ACBD6: variants seen among roughly 807,000 people sequenced by gnomAD.
ACBD6 encodes acyl-CoA-binding domain-containing protein 6.
In ACBD6, 28 loss-of-function variants were observed where a neutral mutation model predicts 37.2. That is an observed-to-expected ratio of 0.75 (90% CI 0.56 to 1.03). The LOEUF (loss-of-function observed/expected upper bound fraction) is 1.03, where lower values mean the gene tolerates loss of function less well. Ranked by LOEUF, ACBD6 falls within the 50% of genes least tolerant of loss-of-function variation. The pLI is 0.00. For synonymous variants in ACBD6, 113 were observed against 126.8 expected, an observed-to-expected ratio of 0.89 and a Z score of 0.73; for missense variants, 340 against 337.4, an observed-to-expected ratio of 1.01 and a Z score of -0.06.
At chr1:180,339,166 C>A (rs921318881) in intron 6 of ACBD6, among the ~76,000 whole-genome samples, 2 of 152,174 alleles carry the variant, frequency 1.3e-5, no homozygotes, top group African/African-American at 2.4e-5. Context: ...TTTGACCCAG[C>A]CATCCCATTA....
In ACBD6 at chr1:180,394,603, G is replaced by A. The variant is rs377574088; in HGVS notation, c.663+2913C>T. Among the ~76,000 whole-genome samples, 106 of 152,172 alleles carry A rather than the reference G, an allele frequency of 7.0e-4. 2 individuals are homozygous for A. In the South Asian group the frequency reaches 0.021, roughly 30 times the overall value. On this transcript the variant is annotated intron_variant, in intron 6 of 7. Coordinates refer to ENST00000367595, the MANE Select transcript of ACBD6 (RefSeq NM_032360.4). ...TTAAAACAGTGTAGCACAAATACAT[G>A]AACAGAAAACCAGAGCAATGGAATG...
chr1:180,293,207 T>G (rs1472122195), intron 7 of ACBD6, among the ~76,000 whole-genome samples: 1 of 152,150 alleles, frequency 6.6e-6, no homozygotes, highest in Non-Finnish European at 1.5e-5. Flanking sequence ...TTTGTCTGGA[T>G]TTGGTTATCA....
chr1:180,286,169 A>G (rs1326232349), downstream of ACBD6, among the ~76,000 whole-genome samples: 1 of 152,204 alleles, frequency 6.6e-6, no homozygotes, highest in Admixed American at 6.5e-5. Context: ...TCAGACACTC[A>G]TGAATAAAGA....
chr1:180,356,179 T>TA (rs1652623042), intron 6 of ACBD6, among the ~76,000 whole-genome samples: 1 of 151,252 alleles, frequency 6.6e-6, no homozygotes, highest in Non-Finnish European at 1.5e-5. Context: ...GGCCTATTGT[T>TA]ACAATTTTTA....
chr1:180,321,060 A>G (rs1029368717), intron 6 of ACBD6, among the ~76,000 whole-genome samples: 5 of 152,020 alleles, frequency 3.3e-5, no homozygotes, highest in Non-Finnish European at 5.9e-5. Context: ...CTTTTCCCCA[A>G]TGTATGTTTT....
intron 5 of ACBD6, among the ~76,000 whole-genome samples, chr1:180,403,765 C>T (rs72714856): frequency 0.16 from 24,015 of 152,110 alleles, 1,959 homozygotes; most frequent in Middle Eastern, 0.22. Context: ...GAAACTGACA[C>T]ATGCTACAAC....
At chr1:180,390,800 T>C (rs1344272088) in intron 6 of ACBD6, among the ~76,000 whole-genome samples, 1 of 152,170 alleles carries the variant, frequency 6.6e-6, no homozygotes, top group African/African-American at 2.4e-5. Context: ...CTTATTAAAA[T>C]CTTCACTGCC....
At chr1:180,432,170 G>A (rs1292697811) in intron 3 of ACBD6, among the ~76,000 whole-genome samples, 1 of 150,532 alleles carries the variant, frequency 6.6e-6, no homozygotes, top group African/African-American at 2.5e-5. Context: ...TCACGCCACT[G>A]CACTCCAGCC....
chr1:180,400,346 C>T (rs973265282), intron 5 of ACBD6, among the ~76,000 whole-genome samples: 1 of 152,156 alleles, frequency 6.6e-6, no homozygotes, highest in Non-Finnish European at 1.5e-5. Context: ...CTTTTTAACA[C>T]ATTTTCTGAC....
intron 3 of ACBD6, among the ~76,000 whole-genome samples, chr1:180,443,377 C>T (rs187519471): frequency 9.2e-5 from 14 of 152,258 alleles, no homozygotes; most frequent in African/African-American, 2.6e-4. Context: ...TTTCTTTCCC[C>T]GGCCTGTTAT....
At chr1:180,430,359 A>G in intron 3 of ACBD6, 97 bp from the exon 4 acceptor site, 1 of 1,073,232 alleles carries the variant, frequency 9.3e-7, no homozygotes, top group Non-Finnish European at 1.4e-6. Context: ...AAGAAAGACT[A>G]AGGATTTTAC....
chr1:180,501,289 T>A (rs1651960747), intron 1 of ACBD6, among the ~76,000 whole-genome samples: 1 of 152,200 alleles, frequency 6.6e-6, no homozygotes. Context: ...ATATTTAGGA[T>A]TTTATAAAAA....
At chr1:180,291,482 C>T (rs1398349484) in intron 7 of ACBD6, among the ~76,000 whole-genome samples, 1 of 152,180 alleles carries the variant, frequency 6.6e-6, no homozygotes, top group Non-Finnish European at 1.5e-5. Flanking sequence ...GAACATTTCT[C>T]ATGTGCTTAT....
chr1:180,383,527 T>C (rs12066272), intron 6 of ACBD6, among the ~76,000 whole-genome samples: 293 of 151,254 alleles, frequency 1.9e-3, no homozygotes, highest in African/African-American at 6.8e-3. Context: ...CAAAAGAAAT[T>C]CACAAAAAAA....
intron 3 of ACBD6, among the ~76,000 whole-genome samples, chr1:180,491,772 C>G (rs1251428070): frequency 6.6e-6 from 1 of 152,144 alleles, no homozygotes; most frequent in Non-Finnish European, 1.5e-5. Flanking sequence ...TTCTCAGCAT[C>G]AGTAGCTGGT....
intron 1 of ACBD6, among the ~76,000 whole-genome samples, chr1:180,500,049 G>A (rs1278966978): frequency 6.6e-6 from 1 of 151,706 alleles, no homozygotes; most frequent in Non-Finnish European, 1.5e-5. Flanking sequence ...GAAGCTTCAA[G>A]GCTGCAGTGA....
intron 3 of ACBD6, chr1:180,434,759 T>C (rs892993288): frequency 8.1e-6 from 5 of 618,548 alleles, no homozygotes; most frequent in Admixed American, 2.3e-5. Context: ...CAACAGGCCA[T>C]AGCCGCAACC....
chr1:180,430,464 T>A (rs1648768524), intron 3 of ACBD6, among the ~76,000 whole-genome samples: 1 of 152,164 alleles, frequency 6.6e-6, no homozygotes, highest in African/African-American at 2.4e-5. Context: ...AATGGGTACC[T>A]GGCTGGCAAT....
At chr1:180,296,393 A>G (rs1455452404) in intron 7 of ACBD6, among the ~76,000 whole-genome samples, 2 of 150,960 alleles carry the variant, frequency 1.3e-5, no homozygotes, top group Non-Finnish European at 3.0e-5. Context: ...TAAGATAAAG[A>G]TAACTGATGA....
Sources: gnomAD v4.1 joint callset for allele counts (sites outside exome capture counted in the v4.1 genomes callset) on GRCh38, gnomAD v4.1.1 for gene constraint, MANE v1.5 for transcripts, NCBI Gene and HGNC (gene_info 2026-07-23, HGNC 2026-07-21) for gene names.